STPG2: variants seen among roughly 807,000 people sequenced by gnomAD.
STPG2 encodes sperm tail PG-rich repeat containing 2.
In STPG2, 56 loss-of-function variants were observed where a neutral mutation model predicts 54.2. That is an observed-to-expected ratio of 1.03 (90% CI 0.83 to 1.29). The LOEUF is 1.29. STPG2 is among the 50% of genes most tolerant of loss of function. The pLI is 0.00. For synonymous variants in STPG2, 200 were observed against 181.8 expected, an observed-to-expected ratio of 1.10 and a Z score of -0.81; for missense variants, 596 against 544.9, an observed-to-expected ratio of 1.09 and a Z score of -0.93.
At chr4:97,738,612 A>G (rs1367643876) in intron 9 of STPG2, among the ~76,000 whole-genome samples, 3 of 152,238 alleles carry the variant, frequency 2.0e-5, no homozygotes, top group African/African-American at 7.2e-5. Context: ...AAAGAGACAA[A>G]CAAGGCCATT....
At chr4:97,562,804 G>C (rs1007664709) in intron 10 of STPG2, among the ~76,000 whole-genome samples, 1 of 152,064 alleles carries the variant, frequency 6.6e-6, no homozygotes, top group Non-Finnish European at 1.5e-5. Context: ...ACTTGATCAC[G>C]GTGGATAAGC....
intron 10 of STPG2, among the ~76,000 whole-genome samples, chr4:97,576,539 C>T (rs1231346987): frequency 6.6e-6 from 1 of 152,074 alleles, no homozygotes; most frequent in African/African-American, 2.4e-5. Context: ...GGATAACTTG[C>T]TAGCCATATG....
At chr4:97,573,553 T>C (rs1179692793) in intron 10 of STPG2, among the ~76,000 whole-genome samples, 1 of 151,906 alleles carries the variant, frequency 6.6e-6, no homozygotes, top group Non-Finnish European at 1.5e-5. Flanking sequence ...TAAATTATAA[T>C]ATAAAAAATG....
intron 8 of STPG2, among the ~76,000 whole-genome samples, chr4:97,908,758 C>T (rs926077087): frequency 3.8e-4 from 57 of 150,660 alleles, no homozygotes; most frequent in Non-Finnish European, 6.4e-4. Context: ...AGTAAACTAT[C>T]GCAAGAACAA....
In STPG2 at chr4:98,112,151, A is replaced by G. The variant is rs112480691; in HGVS notation, c.388-2846T>C. Among the ~76,000 whole-genome samples the G allele has an allele frequency of 5.9e-3, 900 of 152,154 alleles. 6 individuals carry two copies. The highest frequency in any genetic ancestry group is 0.02 in the Middle Eastern group (6 of 294). On this transcript the variant is annotated intron_variant, in intron 3 of 10. Transcript: ENST00000295268. ...TCTCACATATATAGTTATGTACCAC[A>G]TAATGATGTTTCAATGATGGACTGC...
chr4:97,906,018 G>C (rs1162142922), intron 8 of STPG2, among the ~76,000 whole-genome samples: 3 of 152,080 alleles, frequency 2.0e-5, no homozygotes, highest in Admixed American at 6.5e-5. Flanking sequence ...ACTAAGATCA[G>C]AGCAGAACTG....
intron 3 of STPG2, among the ~76,000 whole-genome samples, chr4:98,122,214 T>G (rs1288735529): frequency 6.6e-6 from 1 of 152,230 alleles, no homozygotes; most frequent in African/African-American, 2.4e-5. Context: ...CTGATTTCCC[T>G]GGCCAAAACT....
At chr4:97,709,755 A>G (rs1345134487) in intron 10 of STPG2, among the ~76,000 whole-genome samples, 1 of 151,874 alleles carries the variant, frequency 6.6e-6, no homozygotes, top group Non-Finnish European at 1.5e-5. Context: ...CCTTAAAAAA[A>G]CAGTTTTTTG....
chr4:97,797,886 G>A lies in STPG2; in HGVS notation c.1204+42887C>T, dbSNP rs533527334. ...CAGAGCCTGTTATTGGTCTATTAAGGAATTCAACTTCTTCCTGGTTTAGTC... is the reference window on the plus strand; with the variant it reads ...CAGAGCCTGTTATTGGTCTATTAAGAAATTCAACTTCTTCCTGGTTTAGTC... On this transcript the variant is annotated intron_variant, in intron 9 of 10. Transcript: ENST00000295268. Among the ~76,000 whole-genome samples, 397 of 152,226 alleles carry A rather than the reference G, an allele frequency of 2.6e-3. 2 individuals carry two copies. The highest frequency in any genetic ancestry group is 4.4e-3 in the Non-Finnish European group (297 of 68,014).
chr4:97,871,068 G>C (rs574745866), intron 8 of STPG2, among the ~76,000 whole-genome samples: 1 of 150,922 alleles, frequency 6.6e-6, no homozygotes, highest in South Asian at 2.1e-4. Flanking sequence ...TAAATAGCTC[G>C]AGTGAAAATG....
intron 8 of STPG2, among the ~76,000 whole-genome samples, chr4:97,943,450 T>C (rs1055196199): frequency 5.9e-5 from 9 of 152,194 alleles, no homozygotes; most frequent in Non-Finnish European, 1.3e-4. Flanking sequence ...TTTTAAAAAA[T>C]GGAAATTCAG....
intron 9 of STPG2, 63 bp downstream of exon 9, chr4:97,840,710 T>C: frequency 6.5e-7 from 1 of 1,531,412 alleles, no homozygotes; most frequent in South Asian, 1.2e-5. Context: ...TGATTCTAGA[T>C]ATTTTAATAT....
At chr4:97,537,458 G>A (rs1212910864) in intron 4 of STPG2, among the ~76,000 whole-genome samples, 1 of 152,216 alleles carries the variant, frequency 6.6e-6, no homozygotes, top group Non-Finnish European at 1.5e-5. Flanking sequence ...TAGCACAGCA[G>A]TCTGAGATCG....
At chr4:97,989,927 G>A (rs914724076) in intron 5 of STPG2, among the ~76,000 whole-genome samples, 4 of 152,336 alleles carry the variant, frequency 2.6e-5, no homozygotes, top group African/African-American at 7.2e-5. Context: ...TTTTCAGACT[G>A]TGGTTCATCA....
At chr4:97,891,710 CTT>C (rs1347837297) in intron 8 of STPG2, among the ~76,000 whole-genome samples, 5 of 151,886 alleles carry the variant, frequency 3.3e-5, no homozygotes, top group African/African-American at 1.2e-4. Context: ...TAATGTAAAA[CTT>C]TGCATGCACT....
chr4:97,834,831 T>G (rs1184624903), intron 9 of STPG2, among the ~76,000 whole-genome samples: 1 of 152,066 alleles, frequency 6.6e-6, no homozygotes. Flanking sequence ...ATACCTACAC[T>G]TTCTGACTGA....
intron 3 of STPG2, among the ~76,000 whole-genome samples, chr4:98,124,884 C>A (rs1238459349): frequency 3.3e-5 from 5 of 152,082 alleles, no homozygotes; most frequent in East Asian, 1.9e-4. Context: ...CTTTCCATTT[C>A]TTTTTCTCTA....
chr4:98,081,840 T>C (rs1738352224), intron 5 of STPG2, among the ~76,000 whole-genome samples: 1 of 152,184 alleles, frequency 6.6e-6, no homozygotes, highest in Non-Finnish European at 1.5e-5. Context: ...TTGAGCTTTA[T>C]AAACTTAGCA....
At chr4:98,128,895 G>C (rs1041968903) in intron 2 of STPG2, among the ~76,000 whole-genome samples, 20 of 152,014 alleles carry the variant, frequency 1.3e-4, no homozygotes, top group African/African-American at 4.8e-4. Flanking sequence ...CACTATGCTT[G>C]GCTAATGTTT....
Sources: gnomAD v4.1 joint callset for allele counts (sites outside exome capture counted in the v4.1 genomes callset) on GRCh38, gnomAD v4.1.1 for gene constraint, MANE v1.5 for transcripts, NCBI Gene and HGNC (gene_info 2026-07-23, HGNC 2026-07-21) for gene names.